Variants in CFAP251 observed in about 807,000 individuals in gnomAD.
CFAP251 encodes cilia and flagella associated protein 251.
Under a neutral mutation model 126.7 loss-of-function variants are expected in CFAP251, and 93 were observed. The observed-to-expected ratio is 0.73, with a 90% confidence interval of 0.62 to 0.87. The LOEUF (loss-of-function observed/expected upper bound fraction) is 0.87. CFAP251 is among the 40% of genes least tolerant of loss of function. The pLI, the probability that CFAP251 is intolerant of heterozygous loss-of-function variation, is 0.00. For missense variants in CFAP251, 1,287 were observed against 1,389.2 expected (o/e 0.93, Z 1.17); for synonymous variants, 503 against 506.9 (o/e 0.99, Z 0.10).
chr12:121,992,556 T>G (rs1029083640), intron 19 of CFAP251: 4 of 852,170 alleles, frequency 4.7e-6, no homozygotes, highest in African/African-American at 3.7e-5. Flanking sequence ...TTATATATAT[T>G]TATATATATT....
intron 19 of CFAP251, chr12:121,997,113 C>T (rs752357770): frequency 2.0e-5 from 3 of 152,140 alleles, no homozygotes; most frequent in Admixed American, 2.0e-4. Flanking sequence ...TAGGGATCCA[C>T]GCGCATGTGA....
In CFAP251 at chr12:121,923,041, C is replaced by T. The variant is rs551726613; in HGVS notation, c.379-581C>T. ...CGATCTCCTGACCTCGTGATCTGCC[C>T]GCCTCGGCCTCCCAAAGTGCTGGGA... On this transcript the variant is annotated intron_variant, in intron 2 of 21. Transcript: ENST00000288912. Among the ~76,000 whole-genome samples, 87 of 152,092 alleles carry T rather than the reference C, an allele frequency of 5.7e-4. 1 individual carries two copies. The highest frequency in any genetic ancestry group is 2.0e-3 in the African/African-American group (84 of 41,508).
At chr12:121,967,469 A>G (rs1301452689) in intron 16 of CFAP251, among the ~76,000 whole-genome samples, 5 of 152,164 alleles carry the variant, frequency 3.3e-5, no homozygotes, top group African/African-American at 4.8e-5. Flanking sequence ...TTGGGAGGCC[A>G]AGGCGGGTGG....
chr12:121,965,471 G>A (rs1370459661), intron 15 of CFAP251, among the ~76,000 whole-genome samples: 1 of 152,104 alleles, frequency 6.6e-6, no homozygotes, highest in African/African-American at 2.4e-5. Context: ...TAAGTAAACG[G>A]ATGTCTTGTT....
chr12:121,997,167 T>G (rs1883037053), intron 19 of CFAP251: 1 of 152,188 alleles, frequency 6.6e-6, no homozygotes, highest in Non-Finnish European at 1.5e-5. Flanking sequence ...GAAAATTCAG[T>G]AGCCAGTACA....
chr12:121,918,757 C>A lies in CFAP251; in HGVS notation c.-21+62C>A, dbSNP rs1037056063. On this transcript the variant is annotated intron_variant, in intron 1 of 21. Coordinates refer to ENST00000288912, the MANE Select transcript of CFAP251 (RefSeq NM_144668.6). This position sits in a 1 kb window ranked among gnomAD's most constrained non-coding sequence, Gnocchi z 4.3. ...CGGCCCTGGCGAGGGGGCCCCCGAC[C>A]TGGCGGGGTCTGGTGCCCCTTGGGG... is the stretch of plus-strand genomic sequence containing the variant. 3 of 152,472 alleles carry A rather than the reference C, an allele frequency of 2.0e-5. No individual in the cohort carries two copies. Among genetic ancestry groups the A allele is most frequent in the Non-Finnish European group, 4.4e-5 (3 of 68,280 alleles). 9.4% of individuals were successfully genotyped at this position (152,472 alleles called of 1,614,324 possible).
At chr12:121,983,770 A>C (rs1024732240) in intron 19 of CFAP251, among the ~76,000 whole-genome samples, 5 of 151,698 alleles carry the variant, frequency 3.3e-5, no homozygotes, top group Middle Eastern at 3.4e-3. Flanking sequence ...CTCTTTGGAG[A>C]TGTTTTCTGA....
intron 7 of CFAP251, among the ~76,000 whole-genome samples, chr12:121,947,331 C>G (rs1881359845): frequency 2.6e-5 from 4 of 152,180 alleles, no homozygotes; most frequent in Admixed American, 2.6e-4. Context: ...GATTCCCCAT[C>G]TTGTCCTCTA....
intron 19 of CFAP251, 64 bp downstream of exon 19, chr12:121,975,749 A>G (rs2135799536): frequency 6.6e-7 from 1 of 1,506,186 alleles, no homozygotes; most frequent in African/African-American, 1.4e-5. Context: ...ACCTCTGGGA[A>G]CAATCATTAT....
At chr12:121,956,326 G>A (rs1011016082) in intron 10 of CFAP251, among the ~76,000 whole-genome samples, 1 of 152,042 alleles carries the variant, frequency 6.6e-6, no homozygotes, top group Non-Finnish European at 1.5e-5. Flanking sequence ...CCTCCATTGC[G>A]TATGGCTGAT....
intron 19 of CFAP251, among the ~76,000 whole-genome samples, chr12:121,988,922 G>C (rs1256088875): frequency 2.0e-5 from 3 of 151,984 alleles, no homozygotes; most frequent in African/African-American, 7.3e-5. Context: ...TTTTAGTAGA[G>C]ATGGGGTTTC....
At chr12:121,994,041 C>T (rs1465642155) in intron 19 of CFAP251, among the ~76,000 whole-genome samples, 1 of 110,626 alleles carries the variant, frequency 9.0e-6, no homozygotes, top group Admixed American at 8.1e-5. Flanking sequence ...GTCAGCCCCC[C>T]CGCCTGGCCA....
chr12:121,957,679 G>A (rs1452365457), intron 11 of CFAP251, among the ~76,000 whole-genome samples: 1 of 149,402 alleles, frequency 6.7e-6, no homozygotes, highest in African/African-American at 2.5e-5. Context: ...ACTCCAGCCT[G>A]GGCGACAGAG....
At chr12:121,963,126 G>A (rs777929542) in intron 15 of CFAP251, among the ~76,000 whole-genome samples, 68 of 152,318 alleles carry the variant, frequency 4.5e-4, no homozygotes, top group Middle Eastern at 3.4e-3. Context: ...ACTCTGGGGC[G>A]CAAAGGTAGA....
intron 9 of CFAP251, chr12:121,953,824 A>G (rs1881617527): frequency 7.2e-6 from 2 of 278,474 alleles, no homozygotes; most frequent in Non-Finnish European, 6.7e-6. Flanking sequence ...AGTCTCTGAA[A>G]CCTCCATAAG....
At chr12:121,924,112 A>G in intron 3 of CFAP251, 122 bp downstream of exon 3, 1 of 1,243,260 alleles carries the variant, frequency 8.0e-7, no homozygotes, top group Non-Finnish European at 1.1e-6. Context: ...CTAATAATAG[A>G]CTTGTGTTTT....
chr12:121,966,151 C>CCCCTCCGCTCCCCTCCCCTT (rs1882115265), intron 15 of CFAP251, among the ~76,000 whole-genome samples: 1 of 12,092 alleles, frequency 8.3e-5, no homozygotes. Context: ...TCCCTTCCCT[C>CCCCTCCGCTCCCCTCCCCTT]CCCTCCCCTC....
rs187801431 is a variant in CFAP251 at position 121,963,886 on chromosome 12, C to G, written c.2492+1724C>G. On this transcript the variant is annotated intron_variant, in intron 15 of 21. Transcript: ENST00000288912. Reference sequence around the variant, plus strand: ...CACAGCCCTGGCTTTGGGATCTTACCTGGTCAGCCCTGGAGGGGAGCTTCT... The same window carrying G: ...CACAGCCCTGGCTTTGGGATCTTACGTGGTCAGCCCTGGAGGGGAGCTTCT... 2.2e-4 allele frequency among the ~76,000 whole-genome samples: 33 copies of G among 151,924 alleles called. 1 individual carries two copies. The East Asian group carries it at 6.2e-3, about 29-fold the overall frequency.
Position 122,001,696 on chromosome 12 carries a change from C to G in CFAP251, c.3337+98C>G, listed in dbSNP as rs752382918. ...TCTCCTGATCGGTGCAAGCCACTCT[C>G]CCTAAGACTGCACATAACAAAGCAT... On this transcript the variant is annotated intron_variant, in intron 21 of 21. Transcript: ENST00000288912. The G allele has an allele frequency of 1.3e-3, 1,147 of 889,088 alleles. 1 individual carries two copies. Among genetic ancestry groups the G allele is most frequent in the Non-Finnish European group, 2.0e-3 (1,053 of 530,746 alleles). The allele number at this position is 889,088 out of a possible 1,614,324, so 55.1% of individuals were successfully genotyped here.
Sources: gnomAD v4.1 joint callset for allele counts (sites outside exome capture counted in the v4.1 genomes callset) on GRCh38, gnomAD v4.1.1 for gene constraint, Gnocchi (gnomAD v3.1) non-coding constraint, MANE v1.5 for transcripts, NCBI Gene and HGNC (gene_info 2026-07-23, HGNC 2026-07-21) for gene names.